The following PTPRN2 variants were observed in gnomAD, a reference collection of about 807,000 sequenced individuals.
PTPRN2 encodes protein tyrosine phosphatase receptor type N2, also known as receptor-type tyrosine-protein phosphatase N2.
PTPRN2 carries 74 observed loss-of-function variants against 118.8 expected under a neutral mutation model. The observed-to-expected ratio is 0.62, with a 90% confidence interval of 0.52 to 0.76. The LOEUF (loss-of-function observed/expected upper bound fraction) is 0.76. Ranked by LOEUF, PTPRN2 falls within the 30% of genes least tolerant of loss-of-function variation. The pLI, the probability that PTPRN2 is intolerant of heterozygous loss-of-function variation, is 0.00. For synonymous variants in PTPRN2, 641 were observed against 608.0 expected (o/e 1.05, Z -0.80); for missense variants, 1,481 against 1,394.4 (o/e 1.06, Z -0.99).
intron 21 of PTPRN2, among the ~76,000 whole-genome samples, chr7:157,561,236 C>T (rs1299772364): frequency 3.9e-5 from 6 of 152,030 alleles, no homozygotes; most frequent in Admixed American, 1.3e-4. Context: ...CTGTACTGCC[C>T]GGCCGGTCTC....
intron 11 of PTPRN2, among the ~76,000 whole-genome samples, chr7:158,079,009 T>C (rs887137977): frequency 6.6e-6 from 1 of 151,900 alleles, no homozygotes; most frequent in East Asian, 1.9e-4. Context: ...CCCAGCTAAT[T>C]TTTTTGTATT....
chr7:158,550,135 G>C (rs1344743909), intron 1 of PTPRN2, among the ~76,000 whole-genome samples: 1 of 152,240 alleles, frequency 6.6e-6, no homozygotes, highest in Non-Finnish European at 1.5e-5. Flanking sequence ...TGCTCTGAGG[G>C]CTGCGCACCA....
At chr7:158,361,924 G>T (rs1414763289) in intron 2 of PTPRN2, among the ~76,000 whole-genome samples, 2 of 152,278 alleles carry the variant, frequency 1.3e-5, no homozygotes, top group East Asian at 3.9e-4. Flanking sequence ...TTCCCGCTGA[G>T]CCTGGACCCT....
rs543774055 is a variant in PTPRN2, at chr7:158,465,958, G to T, written c.163+23777C>A. Among the ~76,000 whole-genome samples, 9 of 152,270 alleles carry T rather than the reference G, an allele frequency of 5.9e-5. No individual in the cohort carries two copies. In the South Asian group the frequency reaches 1.9e-3, roughly 32 times the overall value. On this transcript the variant is annotated intron_variant, in intron 2 of 22. Coordinates refer to ENST00000389418, the MANE Select transcript of PTPRN2 (RefSeq NM_002847.5). ...TTTCAGGCCTTGAACCCAGATCCCT[G>T]CCTCACGCCTCACACACCCCACTTC...
chr7:158,249,013 T>C (rs1275343947), intron 3 of PTPRN2, among the ~76,000 whole-genome samples: 1 of 147,128 alleles, frequency 6.8e-6, no homozygotes, highest in Non-Finnish European at 1.5e-5. Context: ...GCAGCACATA[T>C]GTGCATACAT....
intron 2 of PTPRN2, among the ~76,000 whole-genome samples, chr7:158,398,896 T>C (rs116210633): frequency 0.021 from 3,128 of 152,338 alleles, 93 homozygotes; most frequent in African/African-American, 0.07. Context: ...ATCAGTATTA[T>C]GTGCTTACAA....
At chr7:158,107,008 T>C (rs1815742387) in intron 10 of PTPRN2, among the ~76,000 whole-genome samples, 1 of 152,078 alleles carries the variant, frequency 6.6e-6, no homozygotes. Context: ...AGAGTTAATA[T>C]TTCTTCCCTA....
At chr7:157,670,636 C>A (rs192012210) in intron 13 of PTPRN2, among the ~76,000 whole-genome samples, 3 of 152,144 alleles carry the variant, frequency 2.0e-5, no homozygotes, top group African/African-American at 7.2e-5. Flanking sequence ...GCCAGACTGC[C>A]GTTGGTGAGA....
chr7:158,223,166 A>C (rs1170309643), intron 3 of PTPRN2, among the ~76,000 whole-genome samples: 1 of 152,210 alleles, frequency 6.6e-6, no homozygotes, highest in Non-Finnish European at 1.5e-5. Flanking sequence ...CTATTAAGGA[A>C]CTTGAATTAA....
chr7:158,505,629 G>T (rs1295790403), intron 1 of PTPRN2, among the ~76,000 whole-genome samples: 1 of 151,708 alleles, frequency 6.6e-6, no homozygotes, highest in African/African-American at 2.4e-5. Flanking sequence ...TGGTTTAGAG[G>T]ACTTCATTCT....
chr7:157,791,399 G>C (rs576259882), intron 12 of PTPRN2, among the ~76,000 whole-genome samples: 2 of 152,360 alleles, frequency 1.3e-5, no homozygotes, highest in African/African-American at 2.4e-5. Context: ...CGTGTTTTAC[G>C]TGCTTGGGAA....
At chr7:158,260,850 C>T (rs528056089) in intron 3 of PTPRN2, among the ~76,000 whole-genome samples, 3 of 152,252 alleles carry the variant, frequency 2.0e-5, no homozygotes, top group East Asian at 3.9e-4. Context: ...TCGCACAGGC[C>T]GGGACCCAGC....
At chr7:158,066,554 C>A (rs182686368) in intron 11 of PTPRN2, among the ~76,000 whole-genome samples, 45 of 152,272 alleles carry the variant, frequency 3.0e-4, no homozygotes, top group Non-Finnish European at 5.0e-4. Context: ...ATTTACAAAA[C>A]ACCGTGGAGA....
At chr7:157,749,985 C>T (rs903411907) in intron 12 of PTPRN2, among the ~76,000 whole-genome samples, 1 of 151,774 alleles carries the variant, frequency 6.6e-6, no homozygotes, top group Non-Finnish European at 1.5e-5. Flanking sequence ...TCACGTGATT[C>T]TGAGGCCTGT....
At chr7:158,058,392 C>A (rs557780033) in intron 11 of PTPRN2, among the ~76,000 whole-genome samples, 332 of 140,552 alleles carry the variant, frequency 2.4e-3, no homozygotes, top group Middle Eastern at 8.1e-3. Context: ...ACTCCATCTG[C>A]CCACGGTGAG....
chr7:158,376,571 G>A (rs113714891), intron 2 of PTPRN2, among the ~76,000 whole-genome samples: 377 of 68,950 alleles, frequency 5.5e-3, no homozygotes, highest in Middle Eastern at 0.039. Context: ...TCCTGCACGC[G>A]GGGTCAGGGG....
chr7:158,329,666 T>C (rs578061733), intron 2 of PTPRN2, among the ~76,000 whole-genome samples: 1 of 152,332 alleles, frequency 6.6e-6, no homozygotes, highest in Non-Finnish European at 1.5e-5. Context: ...TAGGTGGTAC[T>C]TTGAGCAGCC....
intron 3 of PTPRN2, among the ~76,000 whole-genome samples, chr7:158,316,224 C>G (rs1005119850): frequency 2.0e-5 from 3 of 152,134 alleles, no homozygotes; most frequent in Non-Finnish European, 4.4e-5. Context: ...GTGCTCCTGC[C>G]AGAACTACCC....
intron 2 of PTPRN2, among the ~76,000 whole-genome samples, chr7:158,327,326 C>T (rs111161563): frequency 6.6e-6 from 1 of 151,618 alleles, no homozygotes; most frequent in Non-Finnish European, 1.5e-5. Flanking sequence ...TTCTCACATG[C>T]ACACACGTGC....
Sources: allele counts gnomAD v4.1 joint callset (sites outside exome capture counted in the v4.1 genomes callset), GRCh38; gene constraint gnomAD v4.1.1; transcripts MANE v1.5; gene names NCBI Gene and HGNC (gene_info 2026-07-23, HGNC 2026-07-21).